Variants in FER1L6 observed in about 807,000 individuals in gnomAD.
The protein encoded by FER1L6 is fer-1 like family member 6.
FER1L6 carries 177 observed loss-of-function variants against 219.2 expected under a neutral mutation model. That is an observed-to-expected ratio of 0.81 (90% confidence interval 0.71 to 0.91). The LOEUF is 0.91. Ranked by LOEUF, FER1L6 falls within the 40% of genes least tolerant of loss-of-function variation. FER1L6 has a pLI of 0.00. For synonymous variants in FER1L6, 768 were observed against 824.3 expected (o/e 0.93, Z 1.17); for missense variants, 2,153 against 2,259.9 (o/e 0.95, Z 0.96).
chr8:123,939,773 C>T (rs1032035189), intron 1 of FER1L6, among the ~76,000 whole-genome samples: 7 of 152,134 alleles, frequency 4.6e-5, no homozygotes, highest in African/African-American at 1.7e-4. Context: ...CTCCCTGTAG[C>T]TGGAGATTGA....
At chr8:123,966,111 C>T (rs774389281) in intron 4 of FER1L6, 48 bp from the exon 5 acceptor site, 60 of 1,613,630 alleles carry the variant, frequency 3.7e-5, no homozygotes, top group Middle Eastern at 1.6e-4. Flanking sequence ...TTCCTGTGTG[C>T]ATGGATGGCG....
chr8:124,079,108 C>A (rs1316470456), intron 32 of FER1L6, among the ~76,000 whole-genome samples: 7 of 152,144 alleles, frequency 4.6e-5, no homozygotes, highest in Non-Finnish European at 7.3e-5. Context: ...CCCTGCATCT[C>A]TCCACATCAT....
chr8:124,062,760 G>A (rs2130835298), intron 25 of FER1L6, among the ~76,000 whole-genome samples: 1 of 152,226 alleles, frequency 6.6e-6, no homozygotes, highest in East Asian at 1.9e-4. Flanking sequence ...ACGCTATGTG[G>A]GAATTTCTCT....
rs113833402 is a variant in FER1L6, at chr8:124,082,303, A to G, written c.4236A>G (p.Gln1412=). The G allele has an allele frequency of 1.1e-3, 1,817 of 1,613,236 alleles. 24 individuals carry two copies. The African/African-American group carries it at 0.02, about 18-fold the overall frequency. ...NPVFGRSFEI[Q]ATFPKESLLS... The stretch of plus-strand genomic sequence containing the variant: ...TGGACCGCAGGTCATTTGAGATCCA[A>G]GCCACATTCCCAAAAGAGTCCCTGC... The change falls in exon 33 of 41, where the codon CAA becomes CAG. Residue 1412 remains glutamine (Q), a synonymous_variant. Transcript: ENST00000522917.
intron 14 of FER1L6, among the ~76,000 whole-genome samples, chr8:124,012,105 G>A (rs112763340): frequency 0.041 from 6,217 of 151,742 alleles, 404 homozygotes; most frequent in African/African-American, 0.14. Context: ...CCTCTACTCC[G>A]TCCCACATGC....
At position 124,049,712 on chromosome 8, in the gene FER1L6, A is replaced by T. The variant is rs1264408089; in HGVS notation, c.2830A>T (p.Asn944Tyr). The part of the protein sequence containing the change: ...RLCYHPIFCG[N>Y]LSGGDLLAVF... The stretch of plus-strand genomic sequence containing the variant: ...ATGCTATCACCCCATCTTTTGTGGG[A>T]ATCTCTCTGGAGGGGATCTCCTTGC... Residue 944 changes from asparagine (N) to tyrosine (Y), a missense_variant, in exon 22 of 41, where the codon AAT becomes TAT. Coordinates refer to ENST00000522917, the MANE Select transcript of FER1L6 (RefSeq NM_001039112.2). The T allele has an allele frequency of 1.1e-5, 18 of 1,614,062 alleles. No individual in the cohort carries two copies. The highest frequency in any genetic ancestry group is 1.5e-5 in the Non-Finnish European group (18 of 1,179,992).
intron 2 of FER1L6, among the ~76,000 whole-genome samples, chr8:123,958,889 G>A (rs1815141691): frequency 6.6e-6 from 1 of 151,628 alleles, no homozygotes; most frequent in Non-Finnish European, 1.5e-5. Context: ...ATTCCAAGCA[G>A]CAGAGAGCTT....
chr8:124,112,728 C>T (rs1823074294), intron 39 of FER1L6, among the ~76,000 whole-genome samples: 1 of 152,234 alleles, frequency 6.6e-6, no homozygotes, highest in South Asian at 2.1e-4. Context: ...ATGTTATGTT[C>T]TAAAGTTTCA....
At chr8:123,891,251 T>C (rs1012723622) in intron 1 of FER1L6, among the ~76,000 whole-genome samples, 3 of 152,240 alleles carry the variant, frequency 2.0e-5, no homozygotes, top group South Asian at 2.1e-4. Flanking sequence ...TTGTCAGTAC[T>C]GTATCTAGAA....
At chr8:123,961,841 G>A (rs1379465509) in intron 2 of FER1L6, among the ~76,000 whole-genome samples, 1 of 151,498 alleles carries the variant, frequency 6.6e-6, no homozygotes, top group Non-Finnish European at 1.5e-5. Context: ...TAAACAGCCA[G>A]AACGAGTCTA....
At chr8:123,920,815 TACC>T (rs1813338383) in intron 1 of FER1L6, among the ~76,000 whole-genome samples, 1 of 152,254 alleles carries the variant, frequency 6.6e-6, no homozygotes, top group African/African-American at 2.4e-5. Context: ...ACTGAAACTA[TACC>T]CATTGAAAAA....
At chr8:124,073,866 A>G (rs1178133816) in intron 31 of FER1L6, among the ~76,000 whole-genome samples, 1 of 152,246 alleles carries the variant, frequency 6.6e-6, no homozygotes, top group African/African-American at 2.4e-5. Context: ...ACTGCTTTGT[A>G]AAGAATTAAA....
chr8:123,982,871 T>C (rs909475913), intron 11 of FER1L6, among the ~76,000 whole-genome samples: 2 of 152,224 alleles, frequency 1.3e-5, no homozygotes, highest in African/African-American at 4.8e-5. Flanking sequence ...TACAGACTGC[T>C]TGAGGATCCT....
Position 123,911,056 on chromosome 8 carries a change from C to T in FER1L6, c.-7-44936C>T, listed in dbSNP as rs900725018. 3.3e-5 allele frequency among the ~76,000 whole-genome samples: 5 copies of T among 151,990 alleles called. No homozygotes were observed. In the East Asian group the frequency reaches 5.8e-4, roughly 18 times the overall value. The stretch of plus-strand genomic sequence containing the variant: ...AAGGTGATGGTTATCATGACAGTGA[C>T]GATTATGATGACAGTGATGATGATC... On this transcript the variant is annotated intron_variant, in intron 1 of 40. Transcript: ENST00000522917.
At chr8:123,926,248 A>G (rs1187141686) in intron 1 of FER1L6, among the ~76,000 whole-genome samples, 1 of 152,198 alleles carries the variant, frequency 6.6e-6, no homozygotes, top group East Asian at 1.9e-4. Context: ...TTGTGATGTC[A>G]TATTGAGTGT....
At chr8:124,021,154 C>T (rs1048439375) in intron 16 of FER1L6, among the ~76,000 whole-genome samples, 8 of 152,054 alleles carry the variant, frequency 5.3e-5, no homozygotes, top group South Asian at 4.2e-4. Flanking sequence ...TAAGGGTAAA[C>T]GCCTCCATGA....
At chr8:124,088,923 G>T (rs958478762) in intron 33 of FER1L6, among the ~76,000 whole-genome samples, 1 of 152,010 alleles carries the variant, frequency 6.6e-6, no homozygotes, top group Non-Finnish European at 1.5e-5. Flanking sequence ...GAAGGAAGGA[G>T]TCTGTCCTGG....
At chr8:123,927,914 G>GC (rs1200117724) in intron 1 of FER1L6, among the ~76,000 whole-genome samples, 5 of 151,912 alleles carry the variant, frequency 3.3e-5, no homozygotes, top group Admixed American at 2.0e-4. Context: ...TCTTTTCATG[G>GC]CTTTTTTTTC....
intron 33 of FER1L6, among the ~76,000 whole-genome samples, chr8:124,091,126 C>T (rs955971766): frequency 6.6e-6 from 1 of 152,110 alleles, no homozygotes; most frequent in African/African-American, 2.4e-5. Context: ...CTAAATGCTA[C>T]TAAATTGGTC....
Sources: gnomAD v4.1 joint callset for allele counts (sites outside exome capture counted in the v4.1 genomes callset) on GRCh38, gnomAD v4.1.1 for gene constraint, MANE v1.5 for transcripts, NCBI Gene and HGNC (gene_info 2026-07-23, HGNC 2026-07-21) for gene names.